GXYLT1: variants seen among roughly 807,000 people sequenced by gnomAD.
GXYLT1 encodes the protein glucoside xylosyltransferase 1.
A neutral mutation model predicts 54.0 loss-of-function variants in GXYLT1; 29 were observed. The ratio of observed to expected loss-of-function variants is 0.54; its 90% CI spans 0.40 to 0.73. GXYLT1 has a LOEUF of 0.73. Ranked by LOEUF, GXYLT1 falls within the 30% of genes least tolerant of loss-of-function variation. The pLI, the probability that GXYLT1 is intolerant of heterozygous loss-of-function variation, is 0.00. For synonymous variants in GXYLT1, 176 were observed against 204.1 expected, an observed-to-expected ratio of 0.86 and a Z score of 1.17; for missense variants, 490 against 553.4, an observed-to-expected ratio of 0.89 and a Z score of 1.15.
Position 42,140,163 on chromosome 12 carries a change from A to C in GXYLT1, c.221+4263T>G, listed in dbSNP as rs143093586. ...ACCACTGCACTGCAGCCTGAGTGAC[A>C]GAGCAAGACTCCATCTCAAAAAAAA... On this transcript the variant is annotated intron_variant, in intron 1 of 7. Coordinates refer to ENST00000398675, the MANE Select transcript of GXYLT1 (RefSeq NM_173601.2). Among the ~76,000 whole-genome samples the C allele has an allele frequency of 5.9e-3, 720 of 122,008 alleles. 7 individuals carry two copies. Among genetic ancestry groups the C allele is most frequent in the Non-Finnish European group, 8.8e-3 (538 of 61,270 alleles). The allele number at this position is 122,008 out of a possible 152,430, so 80.0% of individuals were successfully genotyped here. A position where few individuals can be genotyped will look rare whatever the true frequency, so the allele number is the denominator to read the frequency against.
chr12:42,142,405 T>C (rs940175376), intron 1 of GXYLT1, among the ~76,000 whole-genome samples: 4 of 151,920 alleles, frequency 2.6e-5, no homozygotes, highest in East Asian at 3.9e-4. Flanking sequence ...GGTGCAATCA[T>C]AGCTCACTGT....
chr12:42,118,885 C>T, intron 3 of GXYLT1, 115 bp downstream of exon 3: 1 of 752,846 alleles, frequency 1.3e-6, no homozygotes, highest in Non-Finnish European at 2.0e-6. Flanking sequence ...TTATAAATTA[C>T]CAAGTCTCAG....
At chr12:42,111,733 C>G (rs978829601) in intron 3 of GXYLT1, among the ~76,000 whole-genome samples, 1 of 152,262 alleles carries the variant, frequency 6.6e-6, no homozygotes, top group African/African-American at 2.4e-5. Context: ...AACAAAAAGA[C>G]AGCAGTAACC....
chr12:42,112,392 G>C (rs1167466837), intron 3 of GXYLT1, among the ~76,000 whole-genome samples: 1 of 151,810 alleles, frequency 6.6e-6, no homozygotes, highest in Non-Finnish European at 1.5e-5. Context: ...TAAAAGCTTT[G>C]AAAAAAAATT....
intron 3 of GXYLT1, among the ~76,000 whole-genome samples, chr12:42,117,759 T>C (rs1480290702): frequency 1.3e-5 from 2 of 152,202 alleles, no homozygotes; most frequent in African/African-American, 4.8e-5. Context: ...TGTTCTCTTA[T>C]TGTACAATAA....
intron 1 of GXYLT1, among the ~76,000 whole-genome samples, chr12:42,143,752 G>A (rs376845419): frequency 6.6e-6 from 1 of 152,100 alleles, no homozygotes; most frequent in African/African-American, 2.4e-5. Flanking sequence ...TCATTACGTC[G>A]CTTTTTAAAT....
chr12:42,122,900 C>T (rs2065539401), intron 2 of GXYLT1, among the ~76,000 whole-genome samples: 1 of 152,144 alleles, frequency 6.6e-6, no homozygotes, highest in African/African-American at 2.4e-5. Context: ...AATATTAAAA[C>T]TTAAGGCATC....
rs1412408234 is a variant in GXYLT1, at chr12:42,081,945, C to T, written c.*5841G>A. 4 of 152,194 alleles carry T rather than the reference C, an allele frequency of 2.6e-5. No individual in the cohort carries two copies. Among genetic ancestry groups the T allele is most frequent in the African/African-American group, 4.8e-5 (2 of 41,450 alleles). 9.4% of individuals were successfully genotyped at this position (152,194 alleles called of 1,614,324 possible). ...AACTGAAAACTCCTCTAAGGCAGGA[C>T]GAAGCAACTTTCCATTATTCTTAGT... On this transcript the variant is annotated 3_prime_UTR_variant, in exon 8 of 8. Coordinates refer to ENST00000398675, the MANE Select transcript of GXYLT1 (RefSeq NM_173601.2).
chr12:42,130,086 A>T (rs1435783968), intron 1 of GXYLT1, among the ~76,000 whole-genome samples: 2 of 152,244 alleles, frequency 1.3e-5, no homozygotes, highest in African/African-American at 4.8e-5. Flanking sequence ...ATTGGGAAAC[A>T]GTGTTTCCGT....
At chr12:42,089,511 T>C (rs1223963810) in intron 7 of GXYLT1, among the ~76,000 whole-genome samples, 2 of 151,734 alleles carry the variant, frequency 1.3e-5, no homozygotes, top group Admixed American at 6.6e-5. Flanking sequence ...TATAAAAGAG[T>C]TGTATATGTA....
intron 7 of GXYLT1, among the ~76,000 whole-genome samples, chr12:42,094,206 T>TA (rs763754276): frequency 1.3e-5 from 2 of 151,736 alleles, no homozygotes; most frequent in African/African-American, 2.4e-5. Flanking sequence ...ATACAAAAAT[T>TA]AGCCAAGCCT....
intron 2 of GXYLT1, among the ~76,000 whole-genome samples, chr12:42,122,156 C>A (rs1565577203): frequency 6.6e-6 from 1 of 152,112 alleles, no homozygotes; most frequent in Non-Finnish European, 1.5e-5. Context: ...TAAAGTCAAG[C>A]CTATTTTTCT....
At chr12:42,127,295 T>C (rs2065568432) in intron 2 of GXYLT1, among the ~76,000 whole-genome samples, 2 of 152,182 alleles carry the variant, frequency 1.3e-5, no homozygotes, top group South Asian at 4.1e-4. Flanking sequence ...TCGTTAGTTC[T>C]AAATAAGAAA....
At chr12:42,104,020 G>T (rs201104251) in intron 5 of GXYLT1, among the ~76,000 whole-genome samples, 2 of 152,126 alleles carry the variant, frequency 1.3e-5, no homozygotes, top group East Asian at 3.9e-4. Context: ...GGTTTGAGGT[G>T]GGAGGATCAC....
At chr12:42,090,612 T>C (rs2065324015) in intron 7 of GXYLT1, among the ~76,000 whole-genome samples, 1 of 152,232 alleles carries the variant, frequency 6.6e-6, no homozygotes, top group African/African-American at 2.4e-5. Flanking sequence ...GTGATGACCA[T>C]AATTAGGCAA....
intron 1 of GXYLT1, among the ~76,000 whole-genome samples, chr12:42,138,098 T>C (rs2136921572): frequency 6.6e-6 from 1 of 152,050 alleles, no homozygotes; most frequent in South Asian, 2.1e-4. Context: ...GGAAACCCTA[T>C]CTCTACTAAA....
At position 42,140,202 on chromosome 12, in the gene GXYLT1, G is replaced by A. The variant is rs1243388893; in HGVS notation, c.221+4224C>T. ...TCTCAAAAAAAAAAAAAAAAAGGCG[G>A]GGGGGGGGGGACTTCACTAAAAACA... On this transcript the variant is annotated intron_variant, in intron 1 of 7. Coordinates refer to ENST00000398675, the MANE Select transcript of GXYLT1 (RefSeq NM_173601.2). Among the ~76,000 whole-genome samples, 5 of 59,602 alleles carry A rather than the reference G, an allele frequency of 8.4e-5. No individual in the cohort carries two copies. In the East Asian group the frequency reaches 3.4e-3, roughly 41 times the overall value. 39.1% of individuals were successfully genotyped at this position (59,602 alleles called of 152,430 possible). A position where few individuals can be genotyped will look rare whatever the true frequency, so the allele number is the denominator to read the frequency against.
At position 42,113,186 on chromosome 12, in the gene GXYLT1, T is replaced by C. The variant is rs1236198360; in HGVS notation, c.487-3495A>G. 2.6e-5 allele frequency among the ~76,000 whole-genome samples: 4 copies of C among 150,990 alleles called. 1 individual carries two copies. The highest frequency in any genetic ancestry group is 9.9e-5 in the African/African-American group (4 of 40,324). On this transcript the variant is annotated intron_variant, in intron 3 of 7. Coordinates refer to ENST00000398675, the MANE Select transcript of GXYLT1 (RefSeq NM_173601.2). ...CAGCCACAGCAAAATCATGCCAAAA[T>C]GTAAAGACCATCAAAGCTAGGAAGA...
rs770758938 is a variant in GXYLT1 at position 42,109,689 on chromosome 12, A to G, written c.489T>C (p.Leu163=). 2 of 1,501,772 alleles carry G rather than the reference A, an allele frequency of 1.3e-6. No homozygotes were observed. The highest frequency in any genetic ancestry group is 2.5e-5 in the South Asian group (2 of 80,062). The allele number at this position is 1,501,772 out of a possible 1,614,324, so 93.0% of individuals were successfully genotyped here. ...DQLHHSFKGR[L]DNWSFLQTFN... is the part of the protein sequence containing the mutation. ...ATGTTTGTAGAAATGACCAGTTGTC[A>G]AGCTAAAACAATTTAAAAAAAAACT... Residue 163 remains leucine, a splice_region_variant and synonymous_variant, in exon 4 of 8, where the codon CTT becomes CTC. Transcript: ENST00000398675.
Sources: gnomAD v4.1 joint callset for allele counts (sites outside exome capture counted in the v4.1 genomes callset) on GRCh38, gnomAD v4.1.1 for gene constraint, MANE v1.5 for transcripts, NCBI Gene and HGNC (gene_info 2026-07-23, HGNC 2026-07-21) for gene names.